RABEP1: variants seen among roughly 807,000 people sequenced by gnomAD.
The protein encoded by RABEP1 is rab GTPase-binding effector protein 1.
RABEP1 carries 51 observed loss-of-function variants against 123.4 expected under a neutral mutation model. That is an observed-to-expected ratio of 0.41 (90% CI 0.33 to 0.52). The LOEUF (loss-of-function observed/expected upper bound fraction) is 0.52, where lower values mean the gene tolerates loss of function less well. Ranked by LOEUF, RABEP1 falls within the 20% of genes least tolerant of loss-of-function variation. The probability of loss-of-function intolerance (pLI) is 0.16; values close to 1 mark genes in which losing one functional copy is unlikely to be tolerated. For synonymous variants in RABEP1, 347 were observed against 355.2 expected, an observed-to-expected ratio of 0.98 and a Z score of 0.26; for missense variants, 888 against 996.3, an observed-to-expected ratio of 0.89 and a Z score of 1.46.
At position 5,361,519 on chromosome 17, in the gene RABEP1, C is replaced by T. The variant is rs778790398; in HGVS notation, c.1407C>T (p.Thr469=). The change falls in exon 9 of 18, where the codon ACC becomes ACT. Residue 469 remains threonine (T), a synonymous_variant. Coordinates refer to ENST00000537505, the MANE Select transcript of RABEP1 (RefSeq NM_004703.6). ...AGATGCCAAGTGGGTTTATGTTAACCAAAGATCAGGAAAGAGCAATCAAGG... is the reference window on the plus strand; with the variant it reads ...AGATGCCAAGTGGGTTTATGTTAACTAAAGATCAGGAAAGAGCAATCAAGG... ...SLQMPSGFML[T]KDQERAIKAM... The T allele has an allele frequency of 3.7e-6, 6 of 1,613,950 alleles. No individual in the cohort carries two copies. The highest frequency in any genetic ancestry group is 5.1e-6 in the Non-Finnish European group (6 of 1,180,034).
intron 1 of RABEP1, among the ~76,000 whole-genome samples, chr17:5,291,037 T>C (rs1322394938): frequency 1.3e-5 from 2 of 152,236 alleles, no homozygotes; most frequent in African/African-American, 4.8e-5. Flanking sequence ...AGGCCAGTTT[T>C]AGCTTAGTAA....
Position 5,282,513 on chromosome 17 carries a change from G to T in RABEP1, c.27G>T (p.Gln9His). MAQPGPAS[Q>H]PDVSLQQRVA... ...TGGCGCAGCCGGGCCCGGCTTCCCA[G>T]CCTGACGGTGAGGCGCCCACCATGG... is the stretch of plus-strand genomic sequence containing the variant. Residue 9 changes from glutamine to histidine, a missense_variant, in exon 1 of 18, where the codon CAG (glutamine) becomes CAT (histidine). Physicochemically the swap from Gln to His is conservative, Grantham distance 24. Transcript: ENST00000537505. 8.0e-7 allele frequency: 1 copy of T among 1,244,658 alleles called. No homozygotes were observed. Among genetic ancestry groups the T allele is most frequent in the Non-Finnish European group, 1.0e-6 (1 of 992,904 alleles). The allele number at this position is 1,244,658 out of a possible 1,614,324, so 77.1% of individuals were successfully genotyped here.
intron 2 of RABEP1, among the ~76,000 whole-genome samples, chr17:5,323,703 A>AAT (rs140822514): frequency 0.021 from 958 of 44,708 alleles, 155 homozygotes; most frequent in African/African-American, 0.046. Context: ...TCTCTCTAGG[A>AAT]ATATATATAT....
chr17:5,293,525 C>A (rs910360489), intron 1 of RABEP1, among the ~76,000 whole-genome samples: 23 of 152,064 alleles, frequency 1.5e-4, no homozygotes, highest in Non-Finnish European at 2.8e-4. Flanking sequence ...TGACCTCTCA[C>A]CTCAGCCTCC....
At chr17:5,324,478 G>A (rs1905767896) in intron 2 of RABEP1, among the ~76,000 whole-genome samples, 1 of 152,182 alleles carries the variant, frequency 6.6e-6, no homozygotes, top group East Asian at 1.9e-4. Flanking sequence ...AAACTATGAA[G>A]CCACTAGAGG....
chr17:5,344,771 CAAAAAAAAAAAAAA>C (rs1177790100), intron 5 of RABEP1, among the ~76,000 whole-genome samples: 1 of 46,938 alleles, frequency 2.1e-5, no homozygotes, highest in Non-Finnish European at 3.7e-5. Flanking sequence ...GACACTGTCT[CAAAAAAAAAAAAAA>C]AAAAAAAAAA....
intron 1 of RABEP1, chr17:5,283,852 T>C (rs1441991632): frequency 6.6e-6 from 1 of 152,224 alleles, no homozygotes; most frequent in Admixed American, 6.5e-5. Flanking sequence ...TTTAGACTTT[T>C]ATAAGAACCT....
chr17:5,378,363 A>T (rs1203461933), intron 15 of RABEP1, 131 bp downstream of exon 15: 1 of 855,214 alleles, frequency 1.2e-6, no homozygotes, highest in African/African-American at 1.7e-5. Flanking sequence ...GTCTTGTGGG[A>T]AGAAAACCAC....
intron 2 of RABEP1, among the ~76,000 whole-genome samples, chr17:5,309,168 T>C (rs1415672763): frequency 6.6e-6 from 1 of 152,184 alleles, no homozygotes; most frequent in Non-Finnish European, 1.5e-5. Flanking sequence ...TTTAATTCCA[T>C]GAAACATCAG....
intron 5 of RABEP1, among the ~76,000 whole-genome samples, chr17:5,341,561 C>T (rs78766929): frequency 6.6e-6 from 1 of 152,114 alleles, no homozygotes; most frequent in African/African-American, 2.4e-5. Flanking sequence ...ATTTTACGAA[C>T]TCTCAGGGAA....
chr17:5,361,213 T>C lies in RABEP1; in HGVS notation c.1101T>C (p.His367=), dbSNP rs1909498837. The C allele has an allele frequency of 6.2e-7, 1 of 1,612,730 alleles. No individual in the cohort carries two copies. The highest frequency in any genetic ancestry group is 8.5e-7 in the Non-Finnish European group (1 of 1,179,156). ...SSAQLSNEEE[H]LDSTRGSVHS... ...TATGTATTTTCACATTTCAGGAGCA[T>C]TTAGACAGCACCCGTGGCTCAGTTC... is the stretch of plus-strand genomic sequence containing the variant. Residue 367 remains histidine (H), a synonymous_variant, in exon 9 of 18, where the codon CAT becomes CAC. Transcript: ENST00000537505.
At chr17:5,309,919 T>G (rs1400452166) in intron 2 of RABEP1, among the ~76,000 whole-genome samples, 1 of 152,208 alleles carries the variant, frequency 6.6e-6, no homozygotes, top group Non-Finnish European at 1.5e-5. Flanking sequence ...TTAGAAACTG[T>G]GGGATTTGGG....
intron 3 of RABEP1, among the ~76,000 whole-genome samples, chr17:5,333,725 C>T (rs1250874853): frequency 1.3e-5 from 2 of 152,136 alleles, no homozygotes; most frequent in African/African-American, 4.8e-5. Flanking sequence ...TGTATTGGTT[C>T]CATGATGTCA....
intron 1 of RABEP1, among the ~76,000 whole-genome samples, chr17:5,292,480 TG>T (rs1247688548): frequency 6.6e-6 from 1 of 152,086 alleles, no homozygotes; most frequent in African/African-American, 2.4e-5. Flanking sequence ...CTCCACCTCC[TG>T]GGTTCAAGCA....
At chr17:5,378,307 C>A in intron 15 of RABEP1, 75 bp downstream of exon 15, 1 of 1,373,324 alleles carries the variant, frequency 7.3e-7, no homozygotes, top group Non-Finnish European at 1.0e-6. Flanking sequence ...CTGCACCCAA[C>A]GAATAAAAAA....
At chr17:5,373,998 A>ATG (rs1369086334) in intron 13 of RABEP1, among the ~76,000 whole-genome samples, 4 of 152,078 alleles carry the variant, frequency 2.6e-5, no homozygotes, top group Non-Finnish European at 4.4e-5. Context: ...CTGGCTGCTT[A>ATG]TGACGTTTGT....
rs371219620 is a variant in RABEP1, at chr17:5,373,427, A to C, written c.1998A>C (p.Glu666Asp). 6.8e-6 allele frequency: 11 copies of C among 1,612,600 alleles called. No individual in the cohort carries two copies. The highest frequency in any genetic ancestry group is 8.5e-6 in the Non-Finnish European group (10 of 1,179,664). Residue 666 changes from glutamate (E) to aspartate (D), a missense_variant, in exon 13 of 18, where the codon GAA (glutamate) becomes GAC (aspartate). Coordinates refer to ENST00000537505, the MANE Select transcript of RABEP1 (RefSeq NM_004703.6). ...TGCATGTGTCATTACAGCAAGCAGAAGACTTCATCCTCCCAGACACTACAG... is the reference window on the plus strand; with the variant it reads ...TGCATGTGTCATTACAGCAAGCAGACGACTTCATCCTCCCAGACACTACAG... Reference protein sequence around the residue: ...HSLHVSLQQAEDFILPDTTEA... With the variant: ...HSLHVSLQQADDFILPDTTEA...
chr17:5,385,764 T>C lies in RABEP1; in HGVS notation c.*2541T>C. 4 of 233,546 alleles carry C rather than the reference T, an allele frequency of 1.7e-5. No individual in the cohort carries two copies. Among genetic ancestry groups the C allele is most frequent in the Non-Finnish European group, 3.4e-5 (4 of 118,626 alleles). The allele number at this position is 233,546 out of a possible 1,614,324, so 14.5% of individuals were successfully genotyped here. ...CCATTTGTTAACTGTACTGAAGGTG[T>C]GTCCTCAAGAAGAAAGTGTTCAAAT... On this transcript the variant is annotated 3_prime_UTR_variant, in exon 18 of 18. Transcript: ENST00000537505.
chr17:5,298,658 T>A (rs867440112), intron 1 of RABEP1, among the ~76,000 whole-genome samples: 6 of 26,430 alleles, frequency 2.3e-4, no homozygotes, highest in African/African-American at 4.2e-4. Flanking sequence ...CCTCCAGGAT[T>A]TTTTTTTTTT....
Sources: allele counts gnomAD v4.1 joint callset (sites outside exome capture counted in the v4.1 genomes callset), GRCh38; gene constraint gnomAD v4.1.1; transcripts MANE v1.5; gene names NCBI Gene and HGNC (gene_info 2026-07-23, HGNC 2026-07-21).